The following PCDH9 variants were observed in gnomAD, a reference collection of about 807,000 sequenced individuals.
The protein encoded by PCDH9 is protocadherin-9.
PCDH9 carries 24 observed loss-of-function variants against 70.6 expected under a neutral mutation model. That is an observed-to-expected ratio of 0.34 (90% confidence interval 0.25 to 0.48). The LOEUF (loss-of-function observed/expected upper bound fraction) is 0.48. Among genes scored for constraint, PCDH9 ranks in the 20% least tolerant of loss-of-function variants. The probability of loss-of-function intolerance (pLI) is 0.99; values close to 1 mark genes in which losing one functional copy is unlikely to be tolerated. For synonymous variants in PCDH9, 562 were observed against 558.5 expected, an observed-to-expected ratio of 1.01 and a Z score of -0.09; for missense variants, 1,281 against 1,503.6, an observed-to-expected ratio of 0.85 and a Z score of 2.45.
chr13:66,737,142 T>C (rs912467197), intron 3 of PCDH9, among the ~76,000 whole-genome samples: 2 of 152,228 alleles, frequency 1.3e-5, no homozygotes, highest in African/African-American at 4.8e-5. Flanking sequence ...CTTATATTTA[T>C]TCATCAAATA....
rs191727882 is a variant in PCDH9, at chr13:66,768,379, C to T, written c.3138+135125G>A. Among the ~76,000 whole-genome samples the T allele has an allele frequency of 8.3e-3, 1,262 of 152,118 alleles. 14 individuals carry two copies. Among genetic ancestry groups the T allele is most frequent in the African/African-American group, 0.028 (1,182 of 41,518 alleles). ...AAAGCTTTTGAGGTAATCCAGTTCT[C>T]ATGAAGCCTGATTTCCTAAACTACT... On this transcript the variant is annotated intron_variant, in intron 3 of 4. Transcript: ENST00000377865.
At chr13:67,124,162 G>A (rs1056633519) in intron 2 of PCDH9, among the ~76,000 whole-genome samples, 4 of 152,202 alleles carry the variant, frequency 2.6e-5, no homozygotes, top group East Asian at 1.9e-4. Flanking sequence ...AAACATTGTC[G>A]AAGGAGTGTC....
chr13:67,229,065 T>G (rs2089951357), intron 1 of PCDH9, among the ~76,000 whole-genome samples: 1 of 152,214 alleles, frequency 6.6e-6, no homozygotes, highest in Admixed American at 6.5e-5. Context: ...TTCCTCCCAG[T>G]TCTTCAACTG....
At chr13:66,500,340 G>A (rs1463389438) in intron 4 of PCDH9, among the ~76,000 whole-genome samples, 4 of 152,044 alleles carry the variant, frequency 2.6e-5, no homozygotes, top group Non-Finnish European at 5.9e-5. Flanking sequence ...GTATAACACA[G>A]CATTATTCCC....
chr13:66,562,194 T>C (rs936094749), intron 4 of PCDH9, among the ~76,000 whole-genome samples: 5 of 151,614 alleles, frequency 3.3e-5, no homozygotes, highest in African/African-American at 7.3e-5. Context: ...AAAATATATT[T>C]AAAAGGAAAA....
chr13:66,997,265 G>C (rs2084136748), intron 2 of PCDH9, among the ~76,000 whole-genome samples: 1 of 152,166 alleles, frequency 6.6e-6, no homozygotes, highest in Non-Finnish European at 1.5e-5. Flanking sequence ...TCTACTTCTG[G>C]TGAGGGCCTC....
chr13:67,201,250 CAT>C (rs1331603393), intron 2 of PCDH9: 3 of 151,910 alleles, frequency 2.0e-5, no homozygotes. Flanking sequence ...CTTGATTTGA[CAT>C]ATGTGATAGT....
chr13:66,479,051 C>T (rs1958787178), intron 4 of PCDH9, among the ~76,000 whole-genome samples: 1 of 152,148 alleles, frequency 6.6e-6, no homozygotes, highest in South Asian at 2.1e-4. Flanking sequence ...AACCAATGGT[C>T]ATTTAACATC....
chr13:67,229,617 C>A (rs141668654), intron 1 of PCDH9, among the ~76,000 whole-genome samples, 163 bp downstream of exon 1: 1 of 152,266 alleles, frequency 6.6e-6, no homozygotes, highest in East Asian at 1.9e-4. Flanking sequence ...GTAGCTGATG[C>A]CCGCGATTAG....
rs529479229 is a variant in PCDH9, at chr13:67,195,294, T to G, written c.3036+30111A>C. On this transcript the variant is annotated intron_variant, in intron 2 of 4. Coordinates refer to ENST00000377865, the MANE Select transcript of PCDH9 (RefSeq NM_203487.3). ...CGAGCAGCTGGGACTACAGGCGCCC[T>G]CCACCACGCCCCGCTAATTATTTGT... Among the ~76,000 whole-genome samples, 32 of 151,956 alleles carry G rather than the reference T, an allele frequency of 2.1e-4. No homozygotes were observed. In the East Asian group the frequency reaches 2.9e-3, roughly 14 times the overall value.
chr13:67,014,545 C>T (rs1031178083), intron 2 of PCDH9, among the ~76,000 whole-genome samples: 1 of 152,058 alleles, frequency 6.6e-6, no homozygotes, highest in Non-Finnish European at 1.5e-5. Flanking sequence ...ATCATATCTA[C>T]TTGGCTTCCT....
chr13:67,072,528 C>T (rs2085787880), intron 2 of PCDH9, among the ~76,000 whole-genome samples: 1 of 152,088 alleles, frequency 6.6e-6, no homozygotes, highest in Admixed American at 6.6e-5. Context: ...GATATATTTG[C>T]TATGCTTTTC....
intron 3 of PCDH9, among the ~76,000 whole-genome samples, chr13:66,731,808 C>T (rs1194394539): frequency 1.3e-5 from 2 of 151,936 alleles, no homozygotes; most frequent in Non-Finnish European, 2.9e-5. Flanking sequence ...ATTTCCCTTC[C>T]ATTGCTTTTC....
Position 66,631,359 on chromosome 13 carries a change from C to G in PCDH9, c.3191G>C (p.Ser1064Thr). 6.2e-7 allele frequency: 1 copy of G among 1,612,612 alleles called. No homozygotes were observed. The highest frequency in any genetic ancestry group is 8.5e-7 in the Non-Finnish European group (1 of 1,178,656). Reference sequence around the variant, plus strand: ...CTCATGGTCTCCTAGACCACTGTCACTGCAGCTTTCCTGGGAGCCATCAGG... The same window carrying G: ...CTCATGGTCTCCTAGACCACTGTCAGTGCAGCTTTCCTGGGAGCCATCAGG... The part of the protein sequence containing the change: ...HLPDGSQESC[S>T]DSGLGDHEPV... The change falls in exon 4 of 5, where the codon AGT (serine) becomes ACT (threonine). Residue 1064 changes from serine to threonine, a missense_variant. Physicochemically the swap from Ser to Thr is moderately conservative, Grantham distance 58. This residue lies in a region of PCDH9 where 264 missense variants were observed against 278.8 expected (regional missense o/e 0.95). Coordinates refer to ENST00000377865, the MANE Select transcript of PCDH9 (RefSeq NM_203487.3).
At chr13:66,702,314 A>G (rs897130409) in intron 3 of PCDH9, among the ~76,000 whole-genome samples, 4 of 152,178 alleles carry the variant, frequency 2.6e-5, no homozygotes, top group African/African-American at 7.2e-5. Flanking sequence ...CTTCCAGAAC[A>G]CAGGTTTTCC....
At chr13:66,834,984 A>G (rs1251139784) in intron 3 of PCDH9, among the ~76,000 whole-genome samples, 1 of 152,214 alleles carries the variant, frequency 6.6e-6, no homozygotes, top group Admixed American at 6.5e-5. Context: ...TAAAAACAAT[A>G]ACCTAAATAA....
intron 4 of PCDH9, among the ~76,000 whole-genome samples, chr13:66,361,786 A>G (rs953074175): frequency 6.6e-5 from 10 of 152,206 alleles, no homozygotes; most frequent in African/African-American, 2.4e-4. Context: ...TATGTTATAT[A>G]ACAAGCTTAT....
intron 4 of PCDH9, among the ~76,000 whole-genome samples, chr13:66,442,794 C>T (rs1286981213): frequency 1.3e-5 from 2 of 152,058 alleles, no homozygotes; most frequent in Admixed American, 1.3e-4. Flanking sequence ...TCACATAGTG[C>T]CATTTGTTTG....
At chr13:66,559,045 G>T (rs911743447) in intron 4 of PCDH9, among the ~76,000 whole-genome samples, 5 of 152,116 alleles carry the variant, frequency 3.3e-5, no homozygotes, top group Non-Finnish European at 7.3e-5. Context: ...AAAAGGCTAG[G>T]ACTGGAAACT....
Sources: gnomAD v4.1 joint callset for allele counts (sites outside exome capture counted in the v4.1 genomes callset) on GRCh38, gnomAD v4.1.1 for gene constraint, gnomAD v4.1.1 regional missense constraint, MANE v1.5 for transcripts, NCBI Gene and HGNC (gene_info 2026-07-23, HGNC 2026-07-21) for gene names.